The following COA8 variants were observed in gnomAD, a reference collection of about 807,000 sequenced individuals.
COA8 encodes UPF0671 protein C14orf153.
COA8 carries 20 observed loss-of-function variants against 22.0 expected under a neutral mutation model. That is an observed-to-expected ratio of 0.91 (90% confidence interval 0.64 to 1.32). COA8 has a LOEUF of 1.32. COA8 is among the 40% of genes most tolerant of loss of function. The probability of loss-of-function intolerance (pLI) is 0.00; values close to 1 mark genes in which losing one functional copy is unlikely to be tolerated. For missense variants in COA8, 266 were observed against 230.0 expected, an observed-to-expected ratio of 1.16 and a Z score of -1.01; for synonymous variants, 105 against 79.9, an observed-to-expected ratio of 1.31 and a Z score of -1.68.
In COA8 at chr14:103,581,422, C is replaced by T. The variant is rs767547314; in HGVS notation, c.386-5852C>T. 5.9e-5 allele frequency: 23 copies of T among 390,990 alleles called. No homozygotes were observed. The highest frequency in any genetic ancestry group is 9.5e-5 in the Non-Finnish European group (21 of 221,906). The allele number at this position is 390,990 out of a possible 1,614,324, so 24.2% of individuals were successfully genotyped here. On this transcript the variant is annotated intron_variant, in intron 3 of 4. Coordinates refer to ENST00000409074, the MANE Select transcript of COA8 (RefSeq NM_001370595.2). The surrounding 1 kb of genome is among the most constrained non-coding windows in gnomAD (Gnocchi z 4.1). ...AACTAACGAGTGGGGCGCGTCTACACTGTGGAGGTGCTGGACAGAGGGAGG... is the reference window on the plus strand; with the variant it reads ...AACTAACGAGTGGGGCGCGTCTACATTGTGGAGGTGCTGGACAGAGGGAGG...
At chr14:103,579,098 C>T (rs748778092) in intron 3 of COA8, among the ~76,000 whole-genome samples, 5 of 152,028 alleles carry the variant, frequency 3.3e-5, no homozygotes, top group Non-Finnish European at 7.4e-5. Flanking sequence ...CCTCTGAGTA[C>T]GGACACAGTT....
chr14:103,574,137 A>T lies in COA8; in HGVS notation c.352A>T (p.Lys118Ter), dbSNP rs769966495. Residue 118 changes from lysine to a stop codon, truncating the protein, a stop_gained, in exon 3 of 5, where the codon AAA becomes TAA. Transcript: ENST00000409074. LOFTEE classifies it high-confidence loss of function. ...AGAAGAATTTATTCACTCAAGACTA[A>T]AAACTAAAGGCCTGGGCCTGAGAAC... ...EKEEFIHSRL[K>*]TKGLGLRTES... 1 of 1,606,466 alleles carries T rather than the reference A, an allele frequency of 6.2e-7. No individual in the cohort carries two copies.
intron 1 of COA8, among the ~76,000 whole-genome samples, chr14:103,568,904 T>C (rs1238841179): frequency 6.6e-6 from 1 of 152,068 alleles, no homozygotes. Flanking sequence ...AGTGCTGGGA[T>C]GACAGGCGTG....
chr14:103,573,728 T>C (rs10431750), intron 2 of COA8, among the ~76,000 whole-genome samples: 41,916 of 151,836 alleles, frequency 0.28, 6,029 homozygotes, highest in East Asian at 0.35. Flanking sequence ...AATTTTTGTA[T>C]TTTTAGTAGA....
chr14:103,577,448 G>A (rs1392764330), intron 3 of COA8, among the ~76,000 whole-genome samples: 5 of 152,170 alleles, frequency 3.3e-5, no homozygotes, highest in Non-Finnish European at 7.3e-5. Context: ...TCAGTCTTGA[G>A]ACTCAGTGCT....
At chr14:103,566,663 T>TAA (rs1322478377) in intron 1 of COA8, among the ~76,000 whole-genome samples, 1 of 152,250 alleles carries the variant, frequency 6.6e-6, no homozygotes, top group Non-Finnish European at 1.5e-5. Context: ...CTCTGCATGC[T>TAA]AACACATGCC....
chr14:103,575,606 T>C (rs1595142502), intron 3 of COA8, among the ~76,000 whole-genome samples: 2 of 152,328 alleles, frequency 1.3e-5, no homozygotes, highest in African/African-American at 2.4e-5. Flanking sequence ...ATACGTGATA[T>C]TGGAGAAAGC....
chr14:103,569,606 C>T (rs572651233), intron 1 of COA8, among the ~76,000 whole-genome samples: 256 of 152,310 alleles, frequency 1.7e-3, no homozygotes, highest in African/African-American at 5.4e-3. Context: ...TAGCGCGAAA[C>T]CCACTGAGCT....
Position 103,572,787 on chromosome 14 carries a change from A to ATT in COA8, c.321+973_321+974dup, listed in dbSNP as rs35072215. Among the ~76,000 whole-genome samples the ATT allele has an allele frequency of 5.9e-3, 864 of 146,546 alleles. 4 individuals carry two copies. Among genetic ancestry groups the ATT allele is most frequent in the Non-Finnish European group, 9.0e-3 (603 of 66,816 alleles). ...TTCCTGAGAATTCAAAAAAAAAAAA[A>ATT]TTTTTTTCTTTTTTGAGACGGAGTC... On this transcript the variant is annotated intron_variant, in intron 2 of 4. Transcript: ENST00000409074.
intron 2 of COA8, 143 bp downstream of exon 2, chr14:103,571,963 T>C: frequency 1.5e-6 from 1 of 668,806 alleles, no homozygotes; most frequent in East Asian, 3.2e-5. Flanking sequence ...CTGTCTCTAC[T>C]AAAAATACAA....
chr14:103,588,347 G>C (rs1038151227), intron 4 of COA8: 2 of 394,042 alleles, frequency 5.1e-6, no homozygotes, highest in Non-Finnish European at 8.9e-6. Context: ...AAAGGCTTGA[G>C]CTAGGAGGAC....
At position 103,563,023 on chromosome 14, in the gene COA8, AAG is replaced by A; in HGVS notation, c.24_25del (p.Lys9AspfsTer45). 1 of 1,556,656 alleles carries A rather than the reference AAG, an allele frequency of 6.4e-7. No homozygotes were observed. On this transcript the variant is annotated frameshift_variant, in exon 1 of 5. Coordinates refer to ENST00000409074, the MANE Select transcript of COA8 (RefSeq NM_001370595.2). LOFTEE classifies it high-confidence loss of function. ...GGCCATGGTGGTCTTGCGGGCGGGG[AAG>A]AAGACCTTTCTCCCCCCTCTCTGCC... MVVLRAG[K>X]KTFLPPLCRA...
At chr14:103,574,546 G>A (rs1204536444) in intron 3 of COA8, 35 of 436,666 alleles carry the variant, frequency 8.0e-5, no homozygotes. Context: ...GTCAGTGTTA[G>A]GCCTGAATAA....
At chr14:103,563,432 A>C in intron 1 of COA8, 1 of 510,626 alleles carries the variant, frequency 2.0e-6, no homozygotes, top group Non-Finnish European at 3.6e-6. Context: ...TTTTATTTTT[A>C]AAGAGCTCTT....
At chr14:103,573,604 G>C (rs2076205340) in intron 2 of COA8, among the ~76,000 whole-genome samples, 1 of 152,040 alleles carries the variant, frequency 6.6e-6, no homozygotes, top group African/African-American at 2.4e-5. Flanking sequence ...CCAGGCTGGA[G>C]TGCAGTGGCG....
intron 3 of COA8, among the ~76,000 whole-genome samples, chr14:103,580,613 C>G (rs2076260846): frequency 6.6e-6 from 1 of 152,076 alleles, no homozygotes; most frequent in African/African-American, 2.4e-5. Flanking sequence ...CCTGCCTCAG[C>G]CTCCTGAGTA....
chr14:103,568,577 G>T (rs2076154629), intron 1 of COA8, among the ~76,000 whole-genome samples: 1 of 84,388 alleles, frequency 1.2e-5, no homozygotes, highest in Non-Finnish European at 2.7e-5. Context: ...ATACGTGTGT[G>T]TGTATATATA....
chr14:103,567,567 A>T (rs544247692), intron 1 of COA8: 1 of 151,986 alleles, frequency 6.6e-6, no homozygotes, highest in African/African-American at 2.4e-5. Flanking sequence ...AATTTTTTTT[A>T]TAGAGATGGG....
chr14:103,572,533 C>T (rs1322717791), intron 2 of COA8, among the ~76,000 whole-genome samples: 1 of 152,072 alleles, frequency 6.6e-6, no homozygotes, highest in Non-Finnish European at 1.5e-5. Flanking sequence ...AGTTTGAGAG[C>T]AGCCTGGCCA....
Sources: allele counts gnomAD v4.1 joint callset (sites outside exome capture counted in the v4.1 genomes callset), GRCh38; gene constraint gnomAD v4.1.1; non-coding constraint Gnocchi (gnomAD v3.1); transcripts MANE v1.5; gene names NCBI Gene and HGNC (gene_info 2026-07-23, HGNC 2026-07-21).